Variants in EIF2AK3 observed in about 807,000 individuals in gnomAD.
The protein encoded by EIF2AK3 is eukaryotic translation initiation factor 2 alpha kinase 3, also known as eukaryotic translation initiation factor 2-alpha kinase 3.
Under a neutral mutation model 113.5 loss-of-function variants are expected in EIF2AK3, and 50 were observed. That is an observed-to-expected ratio of 0.44 (90% CI 0.35 to 0.56). The LOEUF is 0.56. EIF2AK3 is among the 20% of genes least tolerant of loss of function. The probability of loss-of-function intolerance (pLI) is 0.00; values close to 1 mark genes in which losing one functional copy is unlikely to be tolerated. For synonymous variants in EIF2AK3, 448 were observed against 495.4 expected, an observed-to-expected ratio of 0.90 and a Z score of 1.27; for missense variants, 1,185 against 1,378.0, an observed-to-expected ratio of 0.86 and a Z score of 2.22.
intron 8 of EIF2AK3, 137 bp from the exon 9 acceptor site, chr2:88,586,198 T>C (rs1406473945): frequency 1.2e-5 from 8 of 687,098 alleles, no homozygotes; most frequent in African/African-American, 1.8e-5. Flanking sequence ...CTTTAACGTA[T>C]TTTAAACATC....
intron 2 of EIF2AK3, among the ~76,000 whole-genome samples, chr2:88,603,548 T>C (rs1458595295): frequency 6.6e-6 from 1 of 152,220 alleles, no homozygotes; most frequent in Non-Finnish European, 1.5e-5. Flanking sequence ...TATTTATACA[T>C]ATTCATAAAG....
At chr2:88,590,749 C>T (rs1045037210) in intron 5 of EIF2AK3, 69 bp downstream of exon 5, 42 of 1,589,100 alleles carry the variant, frequency 2.6e-5, no homozygotes, top group Non-Finnish European at 5.2e-6. Context: ...TTCGTTCCAC[C>T]CAATCAATAA....
rs1328430364 is a variant in EIF2AK3, at chr2:88,575,078, G to C, written c.2405C>G (p.Thr802Ser). 1.9e-6 allele frequency: 3 copies of C among 1,614,200 alleles called. No homozygotes were observed. The South Asian group carries it at 3.3e-5, about 18-fold the overall frequency. Residue 802 changes from threonine (T) to serine (S), a missense_variant, in exon 13 of 17, where the codon ACC (threonine) becomes AGC (serine). By Grantham distance (58) the Thr-to-Ser change is moderately conservative (BLOSUM62 1). Coordinates refer to ENST00000303236, the MANE Select transcript of EIF2AK3 (RefSeq NM_004836.7). ...ATCTTCAAATACTATTGAAGAGGAG[G>C]TTCTCTCCCTTGACCTTACATAAGG... ...ASPYVRSRERTSSSIVFEDSG... is the reference protein window; with the variant it reads ...ASPYVRSRERSSSSIVFEDSG...
intron 11 of EIF2AK3, among the ~76,000 whole-genome samples, chr2:88,579,039 A>G (rs558148662): frequency 4.7e-4 from 71 of 152,274 alleles, no homozygotes; most frequent in African/African-American, 1.7e-3. Context: ...AATATAGAGG[A>G]TATGATGAAG....
At position 88,562,366 on chromosome 2, in the gene EIF2AK3, T is replaced by C. The variant is rs755543117; in HGVS notation, c.3010A>G (p.Lys1004Glu). The change falls in exon 15 of 17, where the codon AAA (lysine) becomes GAA (glutamate). Residue 1004 changes from lysine to glutamate, a missense_variant. Physicochemically the swap from Lys to Glu is moderately conservative, Grantham distance 56. Coordinates refer to ENST00000303236, the MANE Select transcript of EIF2AK3 (RefSeq NM_004836.7). ...AGGCCTAAAGAAAAGATGTCCACTTTATGAGAATAGCTGTTTCCATGAATC... is the reference window on the plus strand; with the variant it reads ...AGGCCTAAAGAAAAGATGTCCACTTCATGAGAATAGCTGTTTCCATGAATC... ...EQIHGNSYSHKVDIFSLGLIL... is the reference protein window; with the variant it reads ...EQIHGNSYSHEVDIFSLGLIL... The C allele has an allele frequency of 6.2e-7, 1 of 1,614,066 alleles. No individual in the cohort carries two copies. The highest frequency in any genetic ancestry group is 1.7e-5 in the Admixed American group (1 of 60,024).
At chr2:88,569,225 G>A (rs573490971) in intron 14 of EIF2AK3, among the ~76,000 whole-genome samples, 2 of 152,036 alleles carry the variant, frequency 1.3e-5, no homozygotes, top group African/African-American at 2.4e-5. Flanking sequence ...CAATGAGACC[G>A]GGCATGGTAG....
chr2:88,615,944 T>G (rs1327144830), intron 1 of EIF2AK3, among the ~76,000 whole-genome samples: 1 of 152,168 alleles, frequency 6.6e-6, no homozygotes, highest in African/African-American at 2.4e-5. Flanking sequence ...CTTGCTTCAC[T>G]TGACCACCCA....
At position 88,557,523 on chromosome 2, in the gene EIF2AK3, AAGAT is replaced by A; in HGVS notation, c.*209_*212del. 2 of 596,220 alleles carry A rather than the reference AAGAT, an allele frequency of 3.4e-6. No individual in the cohort carries two copies. Among genetic ancestry groups the A allele is most frequent in the Non-Finnish European group, 5.9e-6 (2 of 336,742 alleles). The allele number at this position is 596,220 out of a possible 1,614,324, so 36.9% of individuals were successfully genotyped here. On this transcript the variant is annotated 3_prime_UTR_variant, in exon 17 of 17. Transcript: ENST00000303236. Reference sequence around the variant, plus strand: ...AGTTTCAAGAGACTAACAAAGAACAAAGATAGCCCTTTCCTTAAGTATAGCAAAA... The same window carrying A: ...AGTTTCAAGAGACTAACAAAGAACAAAGCCCTTTCCTTAAGTATAGCAAAA...
chr2:88,558,886 A>G (rs751710229), intron 16 of EIF2AK3, 31 bp downstream of exon 16: 10 of 1,517,918 alleles, frequency 6.6e-6, no homozygotes, highest in Non-Finnish European at 9.1e-6. Flanking sequence ...AGATGATTCT[A>G]AAGAAGATAA....
intron 1 of EIF2AK3, among the ~76,000 whole-genome samples, chr2:88,621,998 T>C (rs1288470526): frequency 1.3e-5 from 2 of 150,628 alleles, no homozygotes; most frequent in South Asian, 2.1e-4. Context: ...CCGGGTTCAA[T>C]TGATTATCCT....
At chr2:88,562,433 C>A in intron 14 of EIF2AK3, 43 bp from the exon 15 acceptor site, 1 of 1,496,104 alleles carries the variant, frequency 6.7e-7, no homozygotes, top group Admixed American at 1.7e-5. Context: ...AACACAGAGA[C>A]AGTACAGTTG....
At chr2:88,568,885 T>C (rs1395906588) in intron 14 of EIF2AK3, among the ~76,000 whole-genome samples, 4 of 152,168 alleles carry the variant, frequency 2.6e-5, no homozygotes, top group Non-Finnish European at 5.9e-5. Flanking sequence ...GAGACTTGGA[T>C]ACTTGACAGA....
At chr2:88,612,146 C>T (rs1389008551) in intron 2 of EIF2AK3, among the ~76,000 whole-genome samples, 3 of 152,188 alleles carry the variant, frequency 2.0e-5, no homozygotes, top group Non-Finnish European at 1.5e-5. Flanking sequence ...AACTCAAACA[C>T]ACTTACTAGC....
chr2:88,613,522 T>G (rs1675501498), intron 2 of EIF2AK3, among the ~76,000 whole-genome samples: 3 of 152,120 alleles, frequency 2.0e-5, no homozygotes, highest in Admixed American at 2.0e-4. Flanking sequence ...CCCCAAGTAA[T>G]CCTAAGAAGA....
At chr2:88,559,600 A>AGG (rs1391200898) in intron 15 of EIF2AK3, among the ~76,000 whole-genome samples, 1 of 151,388 alleles carries the variant, frequency 6.6e-6, no homozygotes, top group East Asian at 1.9e-4. Flanking sequence ...AGAAAGAGAA[A>AGG]GGGGAGAGAG....
chr2:88,603,349 T>C (rs182505410), intron 2 of EIF2AK3, among the ~76,000 whole-genome samples: 3 of 152,368 alleles, frequency 2.0e-5, no homozygotes, highest in Admixed American at 2.0e-4. Flanking sequence ...ACTAATGCTT[T>C]TATCACTTTG....
At chr2:88,606,629 G>GT (rs1478199070) in intron 2 of EIF2AK3, among the ~76,000 whole-genome samples, 3 of 152,144 alleles carry the variant, frequency 2.0e-5, no homozygotes, top group African/African-American at 4.8e-5. Flanking sequence ...TTCAGTAAAA[G>GT]TAAGAGAAGC....
chr2:88,562,014 A>G (rs553414583), intron 15 of EIF2AK3, among the ~76,000 whole-genome samples: 1 of 152,314 alleles, frequency 6.6e-6, no homozygotes, highest in South Asian at 2.1e-4. Flanking sequence ...ATTTTTACTT[A>G]TAACAAACTT....
chr2:88,579,645 A>T lies in EIF2AK3; in HGVS notation c.1764-5T>A. 6.2e-7 allele frequency: 1 copy of T among 1,612,148 alleles called. No individual in the cohort carries two copies. On this transcript the variant is annotated splice_polypyrimidine_tract_variant and splice_region_variant and intron_variant, in intron 10 of 16. Transcript: ENST00000303236. The stretch of plus-strand genomic sequence containing the variant: ...GGCTCAAAATCAGTTAGATATCTTT[A>T]AAAAGAGATAAAATTTATAAAGGTT...
Sources: gnomAD v4.1 joint callset for allele counts (sites outside exome capture counted in the v4.1 genomes callset) on GRCh38, gnomAD v4.1.1 for gene constraint, MANE v1.5 for transcripts, NCBI Gene and HGNC (gene_info 2026-07-23, HGNC 2026-07-21) for gene names.